Variants in TMUB2 observed in about 807,000 individuals in gnomAD.
TMUB2 encodes the protein transmembrane and ubiquitin like domain containing 2.
TMUB2 carries 19 observed loss-of-function variants against 20.2 expected under a neutral mutation model. The ratio of observed to expected loss-of-function variants is 0.94; its 90% CI spans 0.66 to 1.38. The LOEUF is 1.38. TMUB2 is among the 40% of genes most tolerant of loss of function. The pLI, the probability that TMUB2 is intolerant of heterozygous loss-of-function variation, is 0.00. For synonymous variants in TMUB2, 186 were observed against 166.0 expected (o/e 1.12, Z -0.92); for missense variants, 426 against 402.5 (o/e 1.06, Z -0.50).
In TMUB2 at chr17:44,190,977, G is replaced by A. The variant is rs1217329774; in HGVS notation, c.*113G>A. 35 of 1,504,298 alleles carry A rather than the reference G, an allele frequency of 2.3e-5. No individual in the cohort carries two copies. Among genetic ancestry groups the A allele is most frequent in the South Asian group, 1.4e-5 (1 of 74,048 alleles). The allele number at this position is 1,504,298 out of a possible 1,614,324, so 93.2% of individuals were successfully genotyped here. On this transcript the variant is annotated 3_prime_UTR_variant, in exon 4 of 4. Coordinates refer to ENST00000538716, the MANE Select transcript of TMUB2 (RefSeq NM_001076674.3). ...AGGGAGGGGTGGAAAGGATGTGATGGAAATCTCCTCCATAGGACACAGGAG... is the reference window on the plus strand; with the variant it reads ...AGGGAGGGGTGGAAAGGATGTGATGAAAATCTCCTCCATAGGACACAGGAG...
At position 44,190,898 on chromosome 17, in the gene TMUB2, C is replaced by A; in HGVS notation, c.*34C>A. ...GAAGAAAATGAAAGGCATGGTCTTT[C>A]TCCTTTACGGCCTCCCCACTTTTCC... On this transcript the variant is annotated 3_prime_UTR_variant, in exon 4 of 4. Coordinates refer to ENST00000538716, the MANE Select transcript of TMUB2 (RefSeq NM_001076674.3). 1 of 1,566,718 alleles carries A rather than the reference C, an allele frequency of 6.4e-7. No individual in the cohort carries two copies. The highest frequency in any genetic ancestry group is 1.2e-5 in the South Asian group (1 of 81,934).
intron 2 of TMUB2, chr17:44,188,787 G>A (rs1238593687): frequency 1.9e-6 from 1 of 529,328 alleles, no homozygotes; most frequent in African/African-American, 1.9e-5. Flanking sequence ...TGGAGTTTGA[G>A]AGAGGAAGGT....
Position 44,189,005 on chromosome 17 carries a change from C to G in TMUB2, c.36-17C>G, listed in dbSNP as rs749779840. The G allele has an allele frequency of 4.4e-6, 7 of 1,603,112 alleles. No individual in the cohort carries two copies. Among genetic ancestry groups the G allele is most frequent in the Non-Finnish European group, 6.0e-6 (7 of 1,173,962 alleles). On this transcript the variant is annotated splice_polypyrimidine_tract_variant and intron_variant, in intron 2 of 3. Coordinates refer to ENST00000538716, the MANE Select transcript of TMUB2 (RefSeq NM_001076674.3). ...CCCCTCAGGCTCTGCTGATGCTGTCCCCCTTTGTTCCTGCAGCGTGGACCC... is the reference window on the plus strand; with the variant it reads ...CCCCTCAGGCTCTGCTGATGCTGTCGCCCTTTGTTCCTGCAGCGTGGACCC...
chr17:44,189,222 T>TCCACCTGGGGCATGTGGA lies in TMUB2; in HGVS notation c.245_262dup (p.Gly82_Leu87dup). On this transcript the variant is annotated inframe_insertion, in exon 3 of 4. Transcript: ENST00000538716. ...GTGTCAGCAGGCGACACATCCGTCC[T>TCCACCTGGGGCATGTGGA]CCACCTGGGGCATGTGGACCACCTG... 5.0e-6 allele frequency: 8 copies of TCCACCTGGGGCATGTGGA among 1,613,612 alleles called. No homozygotes were observed. The highest frequency in any genetic ancestry group is 1.3e-5 in the African/African-American group (1 of 75,010).
rs1032286495 is a variant in TMUB2, at chr17:44,191,603, T to C, written c.*739T>C. 1.5e-4 allele frequency: 147 copies of C among 985,974 alleles called. No individual in the cohort carries two copies. The highest frequency in any genetic ancestry group is 2.3e-4 in the East Asian group (2 of 8,818). 61.1% of individuals were successfully genotyped at this position (985,974 alleles called of 1,614,324 possible). A position where few individuals can be genotyped will look rare whatever the true frequency, so the allele number is the denominator to read the frequency against. The stretch of plus-strand genomic sequence containing the variant: ...TGTAAGCAAGAGACAGCACTGGCCC[T>C]TGGCCAGCGTCCTACCCTGCCCAAC... On this transcript the variant is annotated 3_prime_UTR_variant, in exon 4 of 4. Coordinates refer to ENST00000538716, the MANE Select transcript of TMUB2 (RefSeq NM_001076674.3).
At chr17:44,190,370 A>AC in intron 3 of TMUB2, 131 bp from the exon 4 acceptor site, 1 of 862,328 alleles carries the variant, frequency 1.2e-6, no homozygotes, top group East Asian at 3.0e-5. Flanking sequence ...AAAAAAAAAA[A>AC]AGGATAAAGA....
intron 2 of TMUB2, 115 bp downstream of exon 2, chr17:44,187,858 C>T: frequency 2.9e-6 from 2 of 700,460 alleles, no homozygotes; most frequent in Non-Finnish European, 2.7e-6. Flanking sequence ...AGTTGTTTTT[C>T]TAACTCCAGG....
chr17:44,189,193 T>C lies in TMUB2; in HGVS notation c.207T>C (p.Ala69=), dbSNP rs1382841196. Residue 69 remains alanine (A), a synonymous_variant, in exon 3 of 4, where the codon GCT becomes GCC. Transcript: ENST00000538716. Reference sequence around the variant, plus strand: ...GCGGTAGCAACCAGCTCCTGGGCGCTATTGTGTCAGCAGGCGACACATCCG... The same window carrying C: ...GCGGTAGCAACCAGCTCCTGGGCGCCATTGTGTCAGCAGGCGACACATCCG... ...ADSGSNQLLG[A]IVSAGDTSVL... is the part of the protein sequence containing the mutation. 6.2e-7 allele frequency: 1 copy of C among 1,614,112 alleles called. No individual in the cohort carries two copies. Among genetic ancestry groups the C allele is most frequent in the Non-Finnish European group, 8.5e-7 (1 of 1,180,020 alleles).
At position 44,189,168 on chromosome 17, in the gene TMUB2, G is replaced by C. The variant is rs763645390; in HGVS notation, c.182G>C (p.Ser61Thr). Residue 61 changes from serine to threonine, a missense_variant, in exon 3 of 4, where the codon AGC (serine) becomes ACC (threonine). By Grantham distance (58) the Ser-to-Thr change is moderately conservative (BLOSUM62 1). Transcript: ENST00000538716. ...TGGCTCTCTACCTACGTAGCAGACA[G>C]CGGTAGCAACCAGCTCCTGGGCGCT... ...LAWLSTYVAD[S>T]GSNQLLGAIV... 1 of 1,614,162 alleles carries C rather than the reference G, an allele frequency of 6.2e-7. No individual in the cohort carries two copies. The highest frequency in any genetic ancestry group is 1.1e-5 in the South Asian group (1 of 91,090).
intron 3 of TMUB2, chr17:44,189,964 T>A (rs1415251638): frequency 5.7e-6 from 1 of 176,740 alleles, no homozygotes; most frequent in African/African-American, 2.4e-5. Context: ...TGAGCCGAGA[T>A]TGCGCCACTG....
Position 44,187,694 on chromosome 17 carries a change from A to G in TMUB2, c.-15A>G. ...TTTGCAGTGTGCCAGGCACTGTGCC[A>G]AGTATTTTGCTTCGATGATTTCACG... On this transcript the variant is annotated 5_prime_UTR_variant, in exon 2 of 4. Transcript: ENST00000538716. 1.4e-6 allele frequency: 1 copy of G among 718,612 alleles called. No individual in the cohort carries two copies. The highest frequency in any genetic ancestry group is 1.5e-5 in the South Asian group (1 of 67,602). The allele number at this position is 718,612 out of a possible 1,614,324, so 44.5% of individuals were successfully genotyped here.
rs2054927848 is a variant in TMUB2 at position 44,189,044 on chromosome 17, G to GC, written c.60dup (p.Met21HisfsTer5). 1.1e-5 allele frequency: 17 copies of GC among 1,613,768 alleles called. No homozygotes were observed. Among genetic ancestry groups the GC allele is most frequent in the Non-Finnish European group, 1.4e-5 (17 of 1,179,880 alleles). ...CAGCGTGGACCCTGCCAGCAGCCAGGCCATGGAGCTCTCTGATGTCACCCT... is the reference window on the plus strand; with the variant it reads ...CAGCGTGGACCCTGCCAGCAGCCAGGCCCATGGAGCTCTCTGATGTCACCCT... On this transcript the variant is annotated frameshift_variant, in exon 3 of 4. Transcript: ENST00000538716. LOFTEE classifies it high-confidence loss of function.
At chr17:44,189,794 C>T (rs867451572) in intron 3 of TMUB2, 16 of 495,014 alleles carry the variant, frequency 3.2e-5, no homozygotes, top group Admixed American at 7.6e-5. Flanking sequence ...GGGTGCATCA[C>T]GAGGTTAGGA....
In TMUB2 at chr17:44,190,513, T is replaced by C. The variant is rs779663267; in HGVS notation, c.615T>C (p.Pro205=). The change falls in exon 4 of 4, where the codon CCT becomes CCC. Residue 205 remains proline, a synonymous_variant. Transcript: ENST00000538716. ...TVGALKSKYF[P]GQESQMKLIY... is the part of the protein sequence containing the mutation. ...TTCATCCTTACAGCAAATACTTCCC[T>C]GGACAAGAAAGCCAGATGAAACTGA... is the stretch of plus-strand genomic sequence containing the variant. The C allele has an allele frequency of 1.9e-6, 3 of 1,603,888 alleles. No individual in the cohort carries two copies. Among genetic ancestry groups the C allele is most frequent in the East Asian group, 2.2e-5 (1 of 44,756 alleles).
chr17:44,188,561 AG>A (rs1567746200), intron 2 of TMUB2, among the ~76,000 whole-genome samples: 2 of 152,162 alleles, frequency 1.3e-5, no homozygotes. Context: ...CAGTGCTTCC[AG>A]GGGGGCCCCA....
chr17:44,191,056 G>C lies in TMUB2; in HGVS notation c.*192G>C. 2 of 1,395,458 alleles carry C rather than the reference G, an allele frequency of 1.4e-6. No individual in the cohort carries two copies. The highest frequency in any genetic ancestry group is 3.2e-5 in the South Asian group (2 of 61,666). 86.4% of individuals were successfully genotyped at this position (1,395,458 alleles called of 1,614,324 possible). ...ACAGGAGTACAGATGTCCCTCCCGT[G>C]CGAGCACAACTCAGGTAGAAATGAG... On this transcript the variant is annotated 3_prime_UTR_variant, in exon 4 of 4. Transcript: ENST00000538716.
Position 44,191,269 on chromosome 17 carries a change from C to T in TMUB2, c.*405C>T. ...AGCTCAGCATGGCCCCAGCACAACT[C>T]CGTAGGGAGCCTGGAGTATCCTTCC... On this transcript the variant is annotated 3_prime_UTR_variant, in exon 4 of 4. Transcript: ENST00000538716. 9.9e-7 allele frequency: 1 copy of T among 1,006,242 alleles called. No individual in the cohort carries two copies. The highest frequency in any genetic ancestry group is 1.7e-5 in the African/African-American group (1 of 57,808). 62.3% of individuals were successfully genotyped at this position (1,006,242 alleles called of 1,614,324 possible). A position where few individuals can be genotyped will look rare whatever the true frequency, so the allele number is the denominator to read the frequency against.
Position 44,191,240 on chromosome 17 carries a change from G to C in TMUB2, c.*376G>C. On this transcript the variant is annotated 3_prime_UTR_variant, in exon 4 of 4. Coordinates refer to ENST00000538716, the MANE Select transcript of TMUB2 (RefSeq NM_001076674.3). ...CCCCAGCACCCAGGGCTGCCTGCAA[G>C]GGCAGCTCAGCATGGCCCCAGCACA... The C allele has an allele frequency of 1.2e-5, 12 of 1,035,410 alleles. No homozygotes were observed. Among genetic ancestry groups the C allele is most frequent in the Non-Finnish European group, 1.4e-5 (12 of 860,166 alleles). 64.1% of individuals were successfully genotyped at this position (1,035,410 alleles called of 1,614,324 possible).
At chr17:44,187,496 G>T in intron 1 of TMUB2, 180 bp from the exon 2 acceptor site, 1 of 596,626 alleles carries the variant, frequency 1.7e-6, no homozygotes, top group South Asian at 2.0e-5. Flanking sequence ...GACACCTGGG[G>T]TCCTGCCGGG....
Sources: gnomAD v4.1 joint callset for allele counts (sites outside exome capture counted in the v4.1 genomes callset) on GRCh38, gnomAD v4.1.1 for gene constraint, MANE v1.5 for transcripts, NCBI Gene and HGNC (gene_info 2026-07-23, HGNC 2026-07-21) for gene names.